The following TMEM9B variants were observed in gnomAD, a reference collection of about 807,000 sequenced individuals.
TMEM9B encodes the protein TMEM9 domain family member B.
A neutral mutation model predicts 23.5 loss-of-function variants in TMEM9B; 8 were observed. That is an observed-to-expected ratio of 0.34 (90% CI 0.20 to 0.61). The LOEUF is 0.61. Ranked by LOEUF, TMEM9B falls within the 20% of genes least tolerant of loss-of-function variation. TMEM9B has a pLI of 0.78. For synonymous variants in TMEM9B, 106 were observed against 96.3 expected, an observed-to-expected ratio of 1.10 and a Z score of -0.59; for missense variants, 197 against 252.3, an observed-to-expected ratio of 0.78 and a Z score of 1.49.
chr11:8,958,186 G>C (rs985613762), intron 2 of TMEM9B, among the ~76,000 whole-genome samples: 9 of 146,868 alleles, frequency 6.1e-5, no homozygotes, highest in African/African-American at 1.0e-4. Flanking sequence ...AAAAAGGCCG[G>C]GTGTGGTGGC....
chr11:8,952,827 C>A, intron 4 of TMEM9B: 3 of 420,574 alleles, frequency 7.1e-6, no homozygotes, highest in Non-Finnish European at 4.2e-6. Context: ...TGATGAAAAC[C>A]TCTCTGCCTT....
intron 3 of TMEM9B, among the ~76,000 whole-genome samples, chr11:8,954,867 A>AT (rs1208543302): frequency 1.3e-4 from 19 of 151,548 alleles, no homozygotes; most frequent in Admixed American, 1.2e-3. Context: ...GTAAAAAAAA[A>AT]TTAGGCCAGG....
upstream of TMEM9B, chr11:8,964,698 C>T (rs1469132118): frequency 5.0e-6 from 1 of 199,112 alleles, no homozygotes; most frequent in Non-Finnish European, 1.0e-5. Flanking sequence ...TCCTCCCGCC[C>T]ACGGAGACCC....
In TMEM9B at chr11:8,948,417, T is replaced by C. The variant is rs1214632776; in HGVS notation, c.500A>G (p.Asn167Ser). ...DVLARSRSRA[N>S]VLNKVEYAQQ... Reference sequence around the variant, plus strand: ...TGCATATTCTACCTTGTTCAGCACGTTGGCTCGACTGCGGGAGCGGGCTAG... The same window carrying C: ...TGCATATTCTACCTTGTTCAGCACGCTGGCTCGACTGCGGGAGCGGGCTAG... Residue 167 changes from asparagine (N) to serine (S), a missense_variant, in exon 5 of 5, where the codon AAC becomes AGC. This residue lies in a region of TMEM9B where 141 missense variants were observed against 214.1 expected (regional missense o/e 0.66). Coordinates refer to ENST00000534025, the MANE Select transcript of TMEM9B (RefSeq NM_020644.3). 1 of 1,614,120 alleles carries C rather than the reference T, an allele frequency of 6.2e-7. No individual in the cohort carries two copies. The highest frequency in any genetic ancestry group is 1.1e-5 in the South Asian group (1 of 91,092).
chr11:8,964,573 A>G (rs1248009386), upstream of TMEM9B: 1 of 1,000,536 alleles, frequency 1.0e-6, no homozygotes, highest in Non-Finnish European at 1.3e-6. Flanking sequence ...CGGCCCCGGG[A>G]CGGAAGGGGG....
rs186419298 is a variant in TMEM9B at position 8,962,475 on chromosome 11, A to C, written c.106-292T>G. 4.3e-3 allele frequency among the ~76,000 whole-genome samples: 653 copies of C among 152,344 alleles called. 7 individuals are homozygous for C. Among genetic ancestry groups the C allele is most frequent in the Non-Finnish European group, 7.2e-3 (488 of 68,046 alleles). ...ACAATCAAATTATGTTAATGTTATT[A>C]CCATCTATCTGCCACTAGAAAGACA... On this transcript the variant is annotated intron_variant, in intron 1 of 4. Coordinates refer to ENST00000534025, the MANE Select transcript of TMEM9B (RefSeq NM_020644.3).
At chr11:8,959,275 C>G (rs1589947803) in intron 2 of TMEM9B, among the ~76,000 whole-genome samples, 1 of 152,110 alleles carries the variant, frequency 6.6e-6, no homozygotes, top group Admixed American at 6.5e-5. Flanking sequence ...GACCCAGTGT[C>G]GACAAAAATA....
rs902071986 is a variant in TMEM9B at position 8,955,624 on chromosome 11, G to A, written c.306+566C>T. Among the ~76,000 whole-genome samples the A allele has an allele frequency of 4.6e-4, 70 of 152,156 alleles. 1 individual carries two copies. Among genetic ancestry groups the A allele is most frequent in the Non-Finnish European group, 2.5e-4 (17 of 68,032 alleles). Reference sequence around the variant, plus strand: ...GTTCATGCTCCTATGAGAATCTAATGCTGCTGCTCATCTGACAGGAGGTGG... The same window carrying A: ...GTTCATGCTCCTATGAGAATCTAATACTGCTGCTCATCTGACAGGAGGTGG... On this transcript the variant is annotated intron_variant, in intron 3 of 4. Transcript: ENST00000534025.
chr11:8,954,557 G>A (rs527396936), intron 3 of TMEM9B, among the ~76,000 whole-genome samples: 1 of 152,156 alleles, frequency 6.6e-6, no homozygotes, highest in African/African-American at 2.4e-5. Flanking sequence ...CCAAAGTGCT[G>A]GGATTATAGA....
chr11:8,953,625 C>A (rs1314456376), intron 3 of TMEM9B, among the ~76,000 whole-genome samples: 1 of 152,198 alleles, frequency 6.6e-6, no homozygotes, highest in Non-Finnish European at 1.5e-5. Context: ...CCCAGCTGAA[C>A]ATAATGTCCT....
chr11:8,962,207 T>C (rs757413532), intron 1 of TMEM9B, 24 bp from the exon 2 acceptor site: 12 of 1,484,898 alleles, frequency 8.1e-6, no homozygotes, highest in South Asian at 6.0e-5. Context: ...GGAAACAGTA[T>C]AGTGCGTTGA....
intron 2 of TMEM9B, among the ~76,000 whole-genome samples, chr11:8,958,139 A>ACAGAG (rs1854006223): frequency 8.5e-6 from 1 of 118,130 alleles, no homozygotes. Context: ...AGCCTGGGCA[A>ACAGAG]TGACAGCGAA....
At chr11:8,960,764 C>G (rs1379677145) in intron 2 of TMEM9B, among the ~76,000 whole-genome samples, 2 of 151,866 alleles carry the variant, frequency 1.3e-5, no homozygotes, top group Admixed American at 1.3e-4. Flanking sequence ...TCACTGCAAG[C>G]TCTGCCTCCC....
chr11:8,952,287 A>ATGC (rs1853898330), intron 4 of TMEM9B, among the ~76,000 whole-genome samples: 6 of 109,950 alleles, frequency 5.5e-5, no homozygotes, highest in Non-Finnish European at 7.7e-5. Context: ...CACGCTATAT[A>ATGC]TATATATATA....
At chr11:8,949,439 C>T (rs1332782677) in intron 4 of TMEM9B, among the ~76,000 whole-genome samples, 1 of 152,162 alleles carries the variant, frequency 6.6e-6, no homozygotes, top group Non-Finnish European at 1.5e-5. Flanking sequence ...TCTTGAACCC[C>T]GTGTTAGCAA....
At position 8,964,431 on chromosome 11, in the gene TMEM9B, G is replaced by A; in HGVS notation, c.-118C>T. The A allele has an allele frequency of 1.4e-6, 2 of 1,433,404 alleles. No homozygotes were observed. Among genetic ancestry groups the A allele is most frequent in the Non-Finnish European group, 1.8e-6 (2 of 1,099,954 alleles). 88.8% of individuals were successfully genotyped at this position (1,433,404 alleles called of 1,614,324 possible). A position where few individuals can be genotyped will look rare whatever the true frequency, so the allele number is the denominator to read the frequency against. On this transcript the variant is annotated 5_prime_UTR_variant, in exon 1 of 5. Coordinates refer to ENST00000534025, the MANE Select transcript of TMEM9B (RefSeq NM_020644.3). ...GGACCCGGCTGGGGATCCTCCGCCCGCACTTCCGTCTGGACGCGAAGGCGT... is the reference window on the plus strand; with the variant it reads ...GGACCCGGCTGGGGATCCTCCGCCCACACTTCCGTCTGGACGCGAAGGCGT...
Position 8,953,271 on chromosome 11 carries a change from C to A in TMEM9B, c.373G>T (p.Val125Phe). 6.2e-7 allele frequency: 1 copy of A among 1,613,886 alleles called. No individual in the cohort carries two copies. The highest frequency in any genetic ancestry group is 8.5e-7 in the Non-Finnish European group (1 of 1,179,968). ...LLLYMVYLTL[V>F]EPILKRRLFG... is the part of the protein sequence containing the mutation. Reference sequence around the variant, plus strand: ...AGGCGCCTCTTCAGTATGGGCTCAACCAGAGTAAGATATACCATGTACAGA... The same window carrying A: ...AGGCGCCTCTTCAGTATGGGCTCAAACAGAGTAAGATATACCATGTACAGA... The change falls in exon 4 of 5, where the codon GTT becomes TTT. Residue 125 changes from valine (V) to phenylalanine (F), a missense_variant. Around this residue, in one of 2 missense-constraint regions of TMEM9B, gnomAD observed 141 missense variants for 214.1 expected, o/e 0.66. Transcript: ENST00000534025.
At chr11:8,948,671 GA>G (rs994886046) in intron 4 of TMEM9B, among the ~76,000 whole-genome samples, 196 bp from the exon 5 acceptor site, 9 of 152,160 alleles carry the variant, frequency 5.9e-5, no homozygotes, top group Admixed American at 5.9e-4. Flanking sequence ...GGTGGTTCAA[GA>G]AACATAAGCG....
chr11:8,949,722 T>C (rs1362176107), intron 4 of TMEM9B, among the ~76,000 whole-genome samples: 4 of 152,226 alleles, frequency 2.6e-5, no homozygotes. Flanking sequence ...TCAAAGAGTT[T>C]TTATAAAGAA....
Sources: allele counts gnomAD v4.1 joint callset (sites outside exome capture counted in the v4.1 genomes callset), GRCh38; gene constraint gnomAD v4.1.1; regional missense constraint gnomAD v4.1.1; transcripts MANE v1.5; gene names NCBI Gene and HGNC (gene_info 2026-07-23, HGNC 2026-07-21).